Variants in RBPMS2 observed in about 807,000 individuals in gnomAD.
RBPMS2 encodes the protein RNA-binding protein with multiple splicing 2.
Under a neutral mutation model 25.7 loss-of-function variants are expected in RBPMS2, and 14 were observed. The observed-to-expected ratio is 0.55, with a 90% CI of 0.36 to 0.85. The LOEUF is 0.85. Among genes scored for constraint, RBPMS2 ranks in the 40% least tolerant of loss-of-function variants. RBPMS2 has a pLI of 0.01. For missense variants in RBPMS2, 252 were observed against 283.4 expected (o/e 0.89, Z 0.80); for synonymous variants, 127 against 115.6 (o/e 1.10, Z -0.63).
intron 6 of RBPMS2, among the ~76,000 whole-genome samples, chr15:64,744,425 G>GT (rs72529801): frequency 0.023 from 3,549 of 152,122 alleles, 60 homozygotes; most frequent in South Asian, 0.051. Flanking sequence ...GGGCGTGGTG[G>GT]TACATGCCTG....
intron 6 of RBPMS2, among the ~76,000 whole-genome samples, chr15:64,744,536 C>A (rs1490994780): frequency 1.5e-4 from 18 of 116,572 alleles, no homozygotes; most frequent in African/African-American, 2.9e-4. Flanking sequence ...CCAGCCTGGG[C>A]AACAAGAGTG....
intron 1 of RBPMS2, among the ~76,000 whole-genome samples, chr15:64,766,548 A>G (rs563932091): frequency 2.5e-4 from 37 of 149,998 alleles, no homozygotes; most frequent in African/African-American, 9.1e-4. Flanking sequence ...TTTTTTTAAG[A>G]TGGAGTCTCG....
intron 1 of RBPMS2, among the ~76,000 whole-genome samples, chr15:64,757,063 C>G (rs902877551): frequency 2.0e-5 from 3 of 147,370 alleles, no homozygotes; most frequent in African/African-American, 7.5e-5. Context: ...GCATCAAACT[C>G]TTAGGCTCAA....
Position 64,774,325 on chromosome 15 carries a change from C to G in RBPMS2, c.87+908G>C, listed in dbSNP as rs887903378. On this transcript the variant is annotated intron_variant, in intron 1 of 7. Transcript: ENST00000300069. ...AGGCCAGAGGCCCTGCGAAGCCTGTCCCCTTCTACTCCAGTTCTTGTCTCC... is the reference window on the plus strand; with the variant it reads ...AGGCCAGAGGCCCTGCGAAGCCTGTGCCCTTCTACTCCAGTTCTTGTCTCC... Among the ~76,000 whole-genome samples, 7 of 152,346 alleles carry G rather than the reference C, an allele frequency of 4.6e-5. No homozygotes were observed. The East Asian group carries it at 1.4e-3, about 29-fold the overall frequency.
At chr15:64,773,490 A>G (rs1314099563) in intron 1 of RBPMS2, among the ~76,000 whole-genome samples, 1 of 152,240 alleles carries the variant, frequency 6.6e-6, no homozygotes, top group African/African-American at 2.4e-5. Context: ...CCAAGGAGGA[A>G]TAGTAGGGAT....
Position 64,749,465 on chromosome 15 carries a change from C to T in RBPMS2, c.233G>A (p.Arg78His), listed in dbSNP as rs749741830. 2.5e-6 allele frequency: 4 copies of T among 1,613,386 alleles called. No individual in the cohort carries two copies. The Admixed American group carries it at 5.0e-5, about 20-fold the overall frequency. ...QPVGFVIFDS[R>H]AGAEAAKNAL... Reference sequence around the variant, plus strand: ...ATTCTTGGCCGCTTCTGCTCCTGCACGGCTGTCAAAGATCACAAAACCAAC... The same window carrying T: ...ATTCTTGGCCGCTTCTGCTCCTGCATGGCTGTCAAAGATCACAAAACCAAC... The change falls in exon 4 of 8, where the codon CGT becomes CAT. Residue 78 changes from arginine (R) to histidine (H), a missense_variant. Arg to His is a conservative substitution (Grantham distance 29). Coordinates refer to ENST00000300069, the MANE Select transcript of RBPMS2 (RefSeq NM_194272.3).
At position 64,756,441 on chromosome 15, in the gene RBPMS2, G is replaced by A. The variant is rs918632157; in HGVS notation, c.88-4803C>T. ...GAGGCACGAGAATCCCCTGAACCCT[G>A]GAGAGATGGAGGTTGCAGTGAGCCG... On this transcript the variant is annotated intron_variant, in intron 1 of 7. Transcript: ENST00000300069. 7.3e-5 allele frequency among the ~76,000 whole-genome samples: 11 copies of A among 151,442 alleles called. No homozygotes were observed. In the South Asian group the frequency reaches 8.4e-4, roughly 12 times the overall value.
chr15:64,745,175 T>G (rs1028795841), intron 6 of RBPMS2, among the ~76,000 whole-genome samples: 1 of 152,180 alleles, frequency 6.6e-6, no homozygotes, highest in Non-Finnish European at 1.5e-5. Flanking sequence ...TTCATACCTA[T>G]AGATTTACTT....
intron 1 of RBPMS2, among the ~76,000 whole-genome samples, chr15:64,766,307 G>A (rs1461719223): frequency 6.6e-6 from 1 of 152,146 alleles, no homozygotes; most frequent in African/African-American, 2.4e-5. Flanking sequence ...GGCCTCCAAC[G>A]CTGATACAGC....
intron 1 of RBPMS2, among the ~76,000 whole-genome samples, chr15:64,762,869 C>CA (rs2083803340): frequency 6.6e-6 from 1 of 152,092 alleles, no homozygotes; most frequent in Non-Finnish European, 1.5e-5. Flanking sequence ...CACAAGGTGG[C>CA]AAAGAAGTGG....
At chr15:64,763,065 G>C (rs1405936211) in intron 1 of RBPMS2, among the ~76,000 whole-genome samples, 1 of 151,486 alleles carries the variant, frequency 6.6e-6, no homozygotes, top group Non-Finnish European at 1.5e-5. Context: ...GTAGGGGGTG[G>C]GGGTGGGAGT....
At chr15:64,751,912 AAAAG>A (rs2083685379) in intron 1 of RBPMS2, among the ~76,000 whole-genome samples, 1 of 152,080 alleles carries the variant, frequency 6.6e-6, no homozygotes. Context: ...AACAGAGGCA[AAAAG>A]AAAGCCCTGT....
intron 6 of RBPMS2, 25 bp downstream of exon 6, chr15:64,748,394 C>T: frequency 6.2e-7 from 1 of 1,608,412 alleles, no homozygotes; most frequent in Non-Finnish European, 8.5e-7. Context: ...TTGTTCTTCG[C>T]CCTCCCCAAC....
At chr15:64,754,395 T>C (rs1361726337) in intron 1 of RBPMS2, among the ~76,000 whole-genome samples, 1 of 152,056 alleles carries the variant, frequency 6.6e-6, no homozygotes, top group African/African-American at 2.4e-5. Context: ...GTGGATCACT[T>C]GAGGTTGGGA....
chr15:64,745,372 G>T (rs1248000829), intron 6 of RBPMS2, among the ~76,000 whole-genome samples: 1 of 152,130 alleles, frequency 6.6e-6, no homozygotes, highest in Non-Finnish European at 1.5e-5. Context: ...GTTCTAGGTA[G>T]ATTTCATATA....
At chr15:64,773,227 G>C (rs528127769) in intron 1 of RBPMS2, among the ~76,000 whole-genome samples, 9 of 152,182 alleles carry the variant, frequency 5.9e-5, no homozygotes, top group Non-Finnish European at 1.3e-4. Flanking sequence ...TAAACTACAG[G>C]GAGGATTCCA....
At chr15:64,754,769 C>T (rs978416142) in intron 1 of RBPMS2, among the ~76,000 whole-genome samples, 5 of 152,086 alleles carry the variant, frequency 3.3e-5, no homozygotes, top group African/African-American at 1.2e-4. Context: ...GTGATGGGTG[C>T]TTTGGGTGCT....
intron 6 of RBPMS2, among the ~76,000 whole-genome samples, chr15:64,744,376 C>G (rs1200660270): frequency 6.6e-6 from 1 of 151,556 alleles, no homozygotes; most frequent in Non-Finnish European, 1.5e-5. Context: ...CTGACCAACA[C>G]GGAGAAACCC....
intron 1 of RBPMS2, among the ~76,000 whole-genome samples, chr15:64,768,874 G>T (rs1318201382): frequency 5.3e-5 from 8 of 150,478 alleles, no homozygotes; most frequent in Non-Finnish European, 1.0e-4. Context: ...GCCAAGGTGG[G>T]TGGATCACCA....
Sources: gnomAD v4.1 joint callset for allele counts (sites outside exome capture counted in the v4.1 genomes callset) on GRCh38, gnomAD v4.1.1 for gene constraint, MANE v1.5 for transcripts, NCBI Gene and HGNC (gene_info 2026-07-23, HGNC 2026-07-21) for gene names.